The following PAPSS1 variants were observed in gnomAD, a reference collection of about 807,000 sequenced individuals.
PAPSS1 encodes the protein bifunctional 3'-phosphoadenosine 5'-phosphosulfate synthase 1.
PAPSS1 carries 50 observed loss-of-function variants against 72.0 expected under a neutral mutation model. That is an observed-to-expected ratio of 0.69 (90% CI 0.55 to 0.88). The LOEUF (loss-of-function observed/expected upper bound fraction) is 0.88, where lower values mean the gene tolerates loss of function less well. Ranked by LOEUF, PAPSS1 falls within the 40% of genes least tolerant of loss-of-function variation. The pLI is 0.00. For missense variants in PAPSS1, 657 were observed against 782.2 expected, an observed-to-expected ratio of 0.84 and a Z score of 1.91; for synonymous variants, 261 against 263.6, an observed-to-expected ratio of 0.99 and a Z score of 0.09.
intron 5 of PAPSS1, among the ~76,000 whole-genome samples, chr4:107,678,940 G>A (rs1727731995): frequency 6.6e-6 from 1 of 152,128 alleles, no homozygotes; most frequent in South Asian, 2.1e-4. Context: ...CACAAAGGAG[G>A]AGATGAAGGA....
At chr4:107,715,661 G>A (rs1161390071) in intron 1 of PAPSS1, among the ~76,000 whole-genome samples, 1 of 152,164 alleles carries the variant, frequency 6.6e-6, no homozygotes, top group Non-Finnish European at 1.5e-5. Context: ...TGTCTCCCAG[G>A]TAGAATGTAA....
At chr4:107,618,309 T>C (rs922081135) in intron 11 of PAPSS1, among the ~76,000 whole-genome samples, 2 of 150,364 alleles carry the variant, frequency 1.3e-5, no homozygotes, top group Non-Finnish European at 3.0e-5. Flanking sequence ...AGAGTTTTAA[T>C]AGATGATAAA....
chr4:107,710,395 C>A (rs189640189), intron 1 of PAPSS1, among the ~76,000 whole-genome samples: 1 of 152,206 alleles, frequency 6.6e-6, no homozygotes, highest in Admixed American at 6.5e-5. Context: ...CCATATCATT[C>A]TTTTGTTATT....
At chr4:107,663,162 T>C (rs1056887734) in intron 5 of PAPSS1, among the ~76,000 whole-genome samples, 1 of 152,050 alleles carries the variant, frequency 6.6e-6, no homozygotes, top group Non-Finnish European at 1.5e-5. Context: ...AAATTAAATA[T>C]TTACATAATC....
intron 5 of PAPSS1, among the ~76,000 whole-genome samples, chr4:107,677,998 G>A (rs532145899): frequency 2.0e-5 from 3 of 152,212 alleles, no homozygotes; most frequent in Admixed American, 1.3e-4. Context: ...AGAACACATG[G>A]ACACAGGAAG....
chr4:107,624,680 A>G (rs1052197446), intron 11 of PAPSS1, among the ~76,000 whole-genome samples: 3 of 152,022 alleles, frequency 2.0e-5, no homozygotes, highest in African/African-American at 7.2e-5. Context: ...ACAATATGAT[A>G]GAGTTTAAAT....
chr4:107,678,927 T>C (rs1727731700), intron 5 of PAPSS1, among the ~76,000 whole-genome samples: 1 of 152,106 alleles, frequency 6.6e-6, no homozygotes, highest in African/African-American at 2.4e-5. Context: ...AAATATGGTC[T>C]GCCACAAAGG....
chr4:107,665,089 G>T (rs936439113), intron 5 of PAPSS1, among the ~76,000 whole-genome samples: 13 of 152,196 alleles, frequency 8.5e-5, no homozygotes, highest in Non-Finnish European at 1.5e-5. Flanking sequence ...GATACAGAGA[G>T]TGAATGTTTT....
chr4:107,675,136 G>C (rs1336332781), intron 5 of PAPSS1, among the ~76,000 whole-genome samples: 4 of 152,062 alleles, frequency 2.6e-5, no homozygotes, highest in Non-Finnish European at 5.9e-5. Flanking sequence ...AGAGAAGCAA[G>C]AGCAAACACA....
At position 107,651,493 on chromosome 4, in the gene PAPSS1, G is replaced by T. The variant is rs1053170677; in HGVS notation, c.1237+1998C>A. Among the ~76,000 whole-genome samples the T allele has an allele frequency of 2.0e-5, 3 of 152,300 alleles. No individual in the cohort carries two copies. The East Asian group carries it at 5.8e-4, about 29-fold the overall frequency. ...ACCAGGTAATTTATAAAGAAAAGAG[G>T]TTTAATTGACTCACAGTTCCACACA... On this transcript the variant is annotated intron_variant, in intron 9 of 11. Transcript: ENST00000265174.
intron 10 of PAPSS1, among the ~76,000 whole-genome samples, chr4:107,642,604 T>C (rs963341142): frequency 7.2e-5 from 11 of 152,202 alleles, no homozygotes; most frequent in African/African-American, 2.7e-4. Context: ...AAAAATACAG[T>C]AAGAAATCAA....
chr4:107,676,627 T>C (rs1727659164), intron 5 of PAPSS1, among the ~76,000 whole-genome samples: 2 of 152,146 alleles, frequency 1.3e-5, no homozygotes, highest in Non-Finnish European at 2.9e-5. Context: ...ATTTATAGAT[T>C]CAATGCCATC....
intron 3 of PAPSS1, among the ~76,000 whole-genome samples, chr4:107,690,744 G>C (rs1168155898): frequency 6.6e-6 from 1 of 151,994 alleles, no homozygotes; most frequent in African/African-American, 2.4e-5. Flanking sequence ...CCTAAACATA[G>C]TCCAAACCTC....
Position 107,654,683 on chromosome 4 carries a change from T to C in PAPSS1, c.1101+12A>G. 1 of 1,604,356 alleles carries C rather than the reference T, an allele frequency of 6.2e-7. No homozygotes were observed. The highest frequency in any genetic ancestry group is 1.3e-5 in the African/African-American group (1 of 74,106). On this transcript the variant is annotated intron_variant, in intron 8 of 11. Transcript: ENST00000265174. ...CAAATCAAGATAAAATGCAGCGAGG[T>C]TTTTTCAGCACCTTAATATAGGGGT...
At chr4:107,676,862 G>C (rs973405410) in intron 5 of PAPSS1, among the ~76,000 whole-genome samples, 3 of 151,908 alleles carry the variant, frequency 2.0e-5, no homozygotes, top group Non-Finnish European at 4.4e-5. Flanking sequence ...ACAGAACAGA[G>C]CCCTCAGAAA....
In PAPSS1 at chr4:107,627,583, A is replaced by C. The variant is rs1180242862; in HGVS notation, c.1736+4048T>G. Among the ~76,000 whole-genome samples, 6 of 152,324 alleles carry C rather than the reference A, an allele frequency of 3.9e-5. No homozygotes were observed. The East Asian group carries it at 1.2e-3, about 29-fold the overall frequency. ...GGCCTCTCCCCAGACTAAGTAAATT[A>C]GAATTTTTGACAATGGCCTACCATA... On this transcript the variant is annotated intron_variant, in intron 11 of 11. Transcript: ENST00000265174.
chr4:107,672,830 C>A (rs921961379), intron 5 of PAPSS1, among the ~76,000 whole-genome samples: 1 of 152,174 alleles, frequency 6.6e-6, no homozygotes, highest in Admixed American at 6.5e-5. Context: ...CAGACTGACA[C>A]CTCACACAGC....
intron 2 of PAPSS1, among the ~76,000 whole-genome samples, chr4:107,699,841 C>A (rs545641469): frequency 6.6e-6 from 1 of 152,260 alleles, no homozygotes; most frequent in South Asian, 2.1e-4. Context: ...AAAAGGTAGT[C>A]ATTCTCAAAC....
At chr4:107,618,108 C>A (rs1725869471) in intron 11 of PAPSS1, among the ~76,000 whole-genome samples, 2 of 151,828 alleles carry the variant, frequency 1.3e-5, no homozygotes, top group African/African-American at 4.8e-5. Context: ...GAGAAGCTCT[C>A]CAAAGAAAGA....
Sources: gnomAD v4.1 joint callset for allele counts (sites outside exome capture counted in the v4.1 genomes callset) on GRCh38, gnomAD v4.1.1 for gene constraint, MANE v1.5 for transcripts, NCBI Gene and HGNC (gene_info 2026-07-23, HGNC 2026-07-21) for gene names.